GLMN: variants seen among roughly 807,000 people sequenced by gnomAD.
GLMN encodes glomulin, FKBP associated protein.
GLMN carries 75 observed loss-of-function variants against 87.8 expected under a neutral mutation model. The observed-to-expected ratio is 0.85, with a 90% confidence interval of 0.71 to 1.04. GLMN has a LOEUF of 1.04. Among genes scored for constraint, GLMN ranks in the 50% least tolerant of loss-of-function variants. The pLI is 0.00. For missense variants in GLMN, 588 were observed against 658.8 expected (o/e 0.89, Z 1.18); for synonymous variants, 206 against 221.6 (o/e 0.93, Z 0.63).
chr1:92,299,095 T>G, upstream of GLMN: 9 of 1,519,366 alleles, frequency 5.9e-6, no homozygotes, highest in Non-Finnish European at 8.0e-6. Context: ...CGCTGGGCCG[T>G]CTTCTGCCGG....
the GLMN span, among the ~76,000 whole-genome samples, chr1:92,330,098 C>A: frequency 2.2e-3 from 329 of 152,322 alleles, no homozygotes; most frequent in African/African-American, 7.6e-3. Context: ...AATGACTCTT[C>A]TGCACCGTCC....
intron 3 of GLMN, among the ~76,000 whole-genome samples, chr1:92,295,618 T>G (rs931782553): frequency 6.6e-6 from 1 of 152,188 alleles, no homozygotes; most frequent in Admixed American, 6.5e-5. Flanking sequence ...AGCAATCCCC[T>G]GTATTCTACC....
At chr1:92,317,165 TC>T in the GLMN span, among the ~76,000 whole-genome samples, 259 of 152,268 alleles carry the variant, frequency 1.7e-3, 1 homozygote, top group African/African-American at 5.6e-3. Flanking sequence ...AGCTATGTGA[TC>T]TTAGGAAGTC....
At chr1:92,335,914 C>G in the GLMN span, among the ~76,000 whole-genome samples, 2 of 152,076 alleles carry the variant, frequency 1.3e-5, no homozygotes, top group African/African-American at 4.8e-5. Context: ...CACATTTAAA[C>G]TGTTAATATA....
intron 7 of GLMN, among the ~76,000 whole-genome samples, chr1:92,276,136 G>A (rs557762095): frequency 6.6e-6 from 1 of 152,258 alleles, no homozygotes; most frequent in East Asian, 1.9e-4. Flanking sequence ...TGAGGTGGAA[G>A]GATCACTTGA....
At chr1:92,257,113 A>C (rs1457802865) in intron 16 of GLMN, among the ~76,000 whole-genome samples, 1 of 152,150 alleles carries the variant, frequency 6.6e-6, no homozygotes, top group African/African-American at 2.4e-5. Context: ...CACCAATAAT[A>C]AACAGAGAGC....
At chr1:92,349,937 A>AATC in the GLMN span, among the ~76,000 whole-genome samples, 1 of 152,152 alleles carries the variant, frequency 6.6e-6, no homozygotes, top group Non-Finnish European at 1.5e-5. Context: ...AAATAATAAT[A>AATC]ATAATTTGGA....
intron 16 of GLMN, among the ~76,000 whole-genome samples, chr1:92,254,988 T>C (rs938632081): frequency 2.6e-5 from 4 of 151,832 alleles, no homozygotes; most frequent in Non-Finnish European, 4.4e-5. Flanking sequence ...TCAAGACCCA[T>C]CAGTGTGCTG....
chr1:92,293,880 CT>C (rs1472110077), intron 3 of GLMN, among the ~76,000 whole-genome samples: 2 of 151,646 alleles, frequency 1.3e-5, no homozygotes, highest in Non-Finnish European at 2.9e-5. Context: ...AACGTTCTCA[CT>C]TTTTTGTGGG....
chr1:92,308,354 G>A, the GLMN span, among the ~76,000 whole-genome samples: 4 of 152,166 alleles, frequency 2.6e-5, no homozygotes. Context: ...GGCATTGTTC[G>A]ACATGACTGG....
the GLMN span, among the ~76,000 whole-genome samples, chr1:92,352,812 T>G: frequency 3.9e-5 from 6 of 152,196 alleles, no homozygotes; most frequent in Non-Finnish European, 8.8e-5. Flanking sequence ...AGAACATTTC[T>G]GTCACCCAAA....
chr1:92,366,608 C>A, the GLMN span, among the ~76,000 whole-genome samples: 1 of 152,126 alleles, frequency 6.6e-6, no homozygotes, highest in Admixed American at 6.6e-5. Flanking sequence ...AATCTTCTGC[C>A]TTTTCCTCAA....
intron 16 of GLMN, among the ~76,000 whole-genome samples, chr1:92,255,447 G>A (rs1654094584): frequency 6.6e-6 from 1 of 152,160 alleles, no homozygotes; most frequent in Non-Finnish European, 1.5e-5. Flanking sequence ...CAAATCAACA[G>A]AAGATACATT....
the GLMN span, among the ~76,000 whole-genome samples, chr1:92,354,994 G>T: frequency 7.3e-4 from 110 of 151,460 alleles, 1 homozygote; most frequent in East Asian, 0.018. Flanking sequence ...TGCCTCCCAG[G>T]CTCAAGCAAT....
intron 7 of GLMN, among the ~76,000 whole-genome samples, chr1:92,280,072 T>TA (rs1301041894): frequency 6.6e-6 from 1 of 152,220 alleles, no homozygotes; most frequent in Admixed American, 6.5e-5. Context: ...TCTGCAGACT[T>TA]AAACATCCCT....
the GLMN span, among the ~76,000 whole-genome samples, chr1:92,309,997 T>G: frequency 1.3e-5 from 2 of 152,230 alleles, no homozygotes; most frequent in African/African-American, 4.8e-5. Flanking sequence ...AAAAGGGTCC[T>G]TAGAGAGATT....
At chr1:92,362,839 T>TA in the GLMN span, among the ~76,000 whole-genome samples, 9 of 152,232 alleles carry the variant, frequency 5.9e-5, no homozygotes, top group African/African-American at 1.9e-4. Flanking sequence ...TTCATGAGAA[T>TA]AAAAAAATTG....
chr1:92,328,762 C>T, the GLMN span, among the ~76,000 whole-genome samples: 1 of 152,128 alleles, frequency 6.6e-6, no homozygotes, highest in Non-Finnish European at 1.5e-5. Flanking sequence ...GGTTCCTTCT[C>T]ATTTGGGTAG....
the GLMN span, among the ~76,000 whole-genome samples, chr1:92,341,228 C>G: frequency 6.6e-6 from 1 of 152,006 alleles, no homozygotes; most frequent in Non-Finnish European, 1.5e-5. Context: ...AGGCTGGTCT[C>G]GAACTCCTGA....
Sources: allele counts gnomAD v4.1 joint callset (sites outside exome capture counted in the v4.1 genomes callset), GRCh38; gene constraint gnomAD v4.1.1; transcripts MANE v1.5; gene names NCBI Gene and HGNC (gene_info 2026-07-23, HGNC 2026-07-21).